MACIR: variants seen among roughly 807,000 people sequenced by gnomAD.
MACIR encodes the protein macrophage immunometabolism regulator.
MACIR carries 4 observed loss-of-function variants against 14.3 expected under a neutral mutation model. The ratio of observed to expected loss-of-function variants is 0.28; its 90% CI spans 0.14 to 0.64. The LOEUF is 0.64. Among genes scored for constraint, MACIR ranks in the 30% least tolerant of loss-of-function variants. The pLI is 0.83. For missense variants in MACIR, 228 were observed against 257.6 expected, an observed-to-expected ratio of 0.89 and a Z score of 0.79; for synonymous variants, 101 against 102.4, an observed-to-expected ratio of 0.99 and a Z score of 0.08.
chr5:103,261,636 CTTTTTCTTTCTTTCT>C (rs1318698039), intron 1 of MACIR, among the ~76,000 whole-genome samples: 1 of 121,832 alleles, frequency 8.2e-6, no homozygotes, highest in East Asian at 2.5e-4. Flanking sequence ...ACCTGTTTTT[CTTTTTCTTTCTTTCT>C]TTCTTTCTTT....
At chr5:103,260,711 T>G (rs1017175574) in intron 1 of MACIR, among the ~76,000 whole-genome samples, 1 of 152,214 alleles carries the variant, frequency 6.6e-6, no homozygotes, top group Non-Finnish European at 1.5e-5. Flanking sequence ...AGAGAGCTAT[T>G]ATAAAATTAA....
intron 2 of MACIR, among the ~76,000 whole-genome samples, chr5:103,272,595 G>A: frequency 6.6e-6 from 1 of 152,120 alleles, no homozygotes; most frequent in East Asian, 1.9e-4. Context: ...GAGGTATGCT[G>A]CTTATTCAGC....
intron 2 of MACIR, among the ~76,000 whole-genome samples, chr5:103,273,788 TG>T (rs781948276): frequency 2.0e-5 from 3 of 152,192 alleles, no homozygotes; most frequent in African/African-American, 4.8e-5. Flanking sequence ...TTGGAATGTG[TG>T]GGGTCTGAAG....
At chr5:103,261,019 C>T (rs26232) in intron 1 of MACIR, among the ~76,000 whole-genome samples, 44,839 of 152,010 alleles carry the variant, frequency 0.29, 6,617 homozygotes, top group Non-Finnish European at 0.32. Context: ...TGCAGTGAAA[C>T]TGAGTATTTT....
Position 103,275,484 on chromosome 5 carries a change from A to C in MACIR, c.-23-413A>C, listed in dbSNP as rs908674466. Reference sequence around the variant, plus strand: ...TGGAAAAATTTAACTTTCAAGCCAGAAATATTTTGTGTGTTCTTATGAAAC... The same window carrying C: ...TGGAAAAATTTAACTTTCAAGCCAGCAATATTTTGTGTGTTCTTATGAAAC... On this transcript the variant is annotated intron_variant, in intron 2 of 2. Coordinates refer to ENST00000319933, the MANE Select transcript of MACIR (RefSeq NM_033211.4). Among the ~76,000 whole-genome samples the C allele has an allele frequency of 7.2e-5, 11 of 152,350 alleles. No individual in the cohort carries two copies. The East Asian group carries it at 2.1e-3, about 29-fold the overall frequency.
chr5:103,271,107 A>T (rs189382144), intron 2 of MACIR, among the ~76,000 whole-genome samples: 1 of 152,268 alleles, frequency 6.6e-6, no homozygotes, highest in Non-Finnish European at 1.5e-5. Context: ...TTTAACAGGC[A>T]TGCTGCTGAT....
At chr5:103,272,932 G>C (rs1429508587) in intron 2 of MACIR, among the ~76,000 whole-genome samples, 1 of 152,122 alleles carries the variant, frequency 6.6e-6, no homozygotes, top group African/African-American at 2.4e-5. Context: ...TAGCCAAAAA[G>C]TGCAAACAGT....
intron 1 of MACIR, among the ~76,000 whole-genome samples, chr5:103,263,225 C>T (rs1554236460): frequency 6.6e-6 from 1 of 150,810 alleles, no homozygotes. Flanking sequence ...CCTCCTCCTC[C>T]TGCTCTTCCT....
intron 1 of MACIR, among the ~76,000 whole-genome samples, chr5:103,261,828 G>A (rs539762715): frequency 6.6e-6 from 1 of 151,970 alleles, no homozygotes; most frequent in African/African-American, 2.4e-5. Flanking sequence ...AGCTTCTACT[G>A]TACCAATTTC....
Position 103,276,621 on chromosome 5 carries a change from C to A in MACIR, c.*81C>A. 1 of 1,276,834 alleles carries A rather than the reference C, an allele frequency of 7.8e-7. No individual in the cohort carries two copies. Among genetic ancestry groups the A allele is most frequent in the Non-Finnish European group, 1.1e-6 (1 of 920,896 alleles). The allele number at this position is 1,276,834 out of a possible 1,614,324, so 79.1% of individuals were successfully genotyped here. ...ACCCACTGCTGTACTCTGTACATGACTCTTCACACTATAGATGGTTATATC... is the reference window on the plus strand; with the variant it reads ...ACCCACTGCTGTACTCTGTACATGAATCTTCACACTATAGATGGTTATATC... On this transcript the variant is annotated 3_prime_UTR_variant, in exon 3 of 3. Coordinates refer to ENST00000319933, the MANE Select transcript of MACIR (RefSeq NM_033211.4).
At chr5:103,269,442 G>A (rs1311527670) in intron 2 of MACIR, among the ~76,000 whole-genome samples, 1 of 139,764 alleles carries the variant, frequency 7.2e-6, no homozygotes. Context: ...TGGTATTGCT[G>A]TATGTTGCTA....
At chr5:103,274,124 A>G (rs1433765813) in intron 2 of MACIR, among the ~76,000 whole-genome samples, 5 of 152,262 alleles carry the variant, frequency 3.3e-5, no homozygotes, top group Admixed American at 1.3e-4. Flanking sequence ...GGCCTTGGCT[A>G]TGTCCTCTTG....
At chr5:103,259,499 G>A (rs1289442255) in intron 1 of MACIR, 10 of 152,332 alleles carry the variant, frequency 6.6e-5, no homozygotes, top group African/African-American at 2.4e-4. Flanking sequence ...CCCGGCCGGC[G>A]GCACCTTTGG....
intron 2 of MACIR, among the ~76,000 whole-genome samples, chr5:103,266,291 G>A (rs1804920643): frequency 6.6e-6 from 1 of 152,048 alleles, no homozygotes; most frequent in Admixed American, 6.6e-5. Flanking sequence ...ATATTTCAAA[G>A]TATAGTAGTT....
chr5:103,259,575 G>A (rs1804595212), intron 1 of MACIR: 1 of 152,220 alleles, frequency 6.6e-6, no homozygotes, highest in African/African-American at 2.4e-5. Flanking sequence ...GCGAGCCCCG[G>A]CGGTCTGATC....
rs1426320257 is a variant in MACIR at position 103,278,649 on chromosome 5, T to A, written c.*2109T>A. ...TTCCTTAATAATAGCTAAATAAAAA[T>A]TTGTAGCTTTTTTTGTTTTGTTTTG... is the stretch of plus-strand genomic sequence containing the variant. On this transcript the variant is annotated 3_prime_UTR_variant, in exon 3 of 3. Coordinates refer to ENST00000319933, the MANE Select transcript of MACIR (RefSeq NM_033211.4). The A allele has an allele frequency of 6.0e-6, 1 of 167,068 alleles. No homozygotes were observed. The highest frequency in any genetic ancestry group is 1.5e-5 in the Non-Finnish European group (1 of 68,098). The allele number at this position is 167,068 out of a possible 1,614,324, so 10.3% of individuals were successfully genotyped here.
At chr5:103,260,272 T>A (rs1488485837) in intron 1 of MACIR, among the ~76,000 whole-genome samples, 2 of 152,126 alleles carry the variant, frequency 1.3e-5, no homozygotes, top group Non-Finnish European at 2.9e-5. Flanking sequence ...TTGTTAGTTG[T>A]TTTATTTTCT....
At chr5:103,271,807 C>T (rs1489166361) in intron 2 of MACIR, among the ~76,000 whole-genome samples, 1 of 152,130 alleles carries the variant, frequency 6.6e-6, no homozygotes, top group African/African-American at 2.4e-5. Context: ...AGCTTCTTCT[C>T]TCCACATTTT....
chr5:103,264,203 T>C (rs1435629381), intron 1 of MACIR, among the ~76,000 whole-genome samples: 1 of 152,150 alleles, frequency 6.6e-6, no homozygotes, highest in Non-Finnish European at 1.5e-5. Context: ...TAAATGATCT[T>C]TGGAGTCAGA....
Sources: allele counts gnomAD v4.1 joint callset (sites outside exome capture counted in the v4.1 genomes callset), GRCh38; gene constraint gnomAD v4.1.1; transcripts MANE v1.5; gene names NCBI Gene and HGNC (gene_info 2026-07-23, HGNC 2026-07-21).